Variants in MYH15 observed in about 807,000 individuals in gnomAD.
The protein encoded by MYH15 is myosin heavy chain 15.
MYH15 carries 227 observed loss-of-function variants against 240.5 expected under a neutral mutation model. The ratio of observed to expected loss-of-function variants is 0.94; its 90% CI spans 0.85 to 1.05. MYH15 has a LOEUF of 1.05. MYH15 is among the 50% of genes least tolerant of loss of function. MYH15 has a pLI of 0.00. For synonymous variants in MYH15, 785 were observed against 796.7 expected, an observed-to-expected ratio of 0.99 and a Z score of 0.25; for missense variants, 2,217 against 2,247.5, an observed-to-expected ratio of 0.99 and a Z score of 0.27.
intron 12 of MYH15, among the ~76,000 whole-genome samples, chr3:108,471,654 A>G (rs1220033332): frequency 6.6e-6 from 1 of 151,926 alleles, no homozygotes; most frequent in African/African-American, 2.4e-5. Flanking sequence ...CCTGTTAGTA[A>G]TTTTCCATCC....
the MYH15 span, among the ~76,000 whole-genome samples, chr3:108,549,245 GA>G: frequency 1.4e-5 from 2 of 147,990 alleles, no homozygotes; most frequent in African/African-American, 2.5e-5. Flanking sequence ...TTTTTTTTTA[GA>G]AAAAAAATAT....
rs775890404 is a variant in MYH15 at position 108,470,098 on chromosome 3, A to G, written c.1498T>C (p.Trp500Arg). The G allele has an allele frequency of 5.6e-6, 9 of 1,612,440 alleles. No individual in the cohort carries two copies. Among genetic ancestry groups the G allele is most frequent in the Non-Finnish European group, 6.8e-6 (8 of 1,179,406 alleles). Residue 500 changes from tryptophan to arginine, a missense_variant, in exon 14 of 41, where the codon TGG becomes CGG. Transcript: ENST00000693548. ...QEEYKKESIE[W>R]VSIGFGLDLQ... ...TCCAGACCAAAGCCAATAGACACCC[A>G]TTCAATGCTTTCTTTCTTATATTCC... is the stretch of plus-strand genomic sequence containing the variant.
chr3:108,501,587 A>G, intron 3 of MYH15, 125 bp downstream of exon 3: 2 of 1,212,524 alleles, frequency 1.6e-6, no homozygotes, highest in Non-Finnish European at 2.3e-6. Context: ...TTCCCAGTAG[A>G]CATTGCTCAA....
rs192522176 is a variant in MYH15 at position 108,464,738 on chromosome 3, A to G, written c.1631T>C (p.Leu544Pro). ...CGACTTTCCAAAATGGTTGTCAAAG[A>G]GTTTGGTCTTGAAAGTCAGGTCTGT... ...KATDLTFKTK[L>P]FDNHFGKSVH... The change falls in exon 15 of 41, where the codon CTC (leucine) becomes CCC (proline). Residue 544 changes from leucine (L) to proline (P), a missense_variant. Leu to Pro is a moderately conservative substitution (Grantham distance 98, BLOSUM62 -3). Transcript: ENST00000693548. 1.9e-6 allele frequency: 3 copies of G among 1,613,842 alleles called. No homozygotes were observed. The highest frequency in any genetic ancestry group is 2.5e-6 in the Non-Finnish European group (3 of 1,179,874).
chr3:108,470,935 C>T, intron 12 of MYH15, 88 bp from the exon 13 acceptor site: 4 of 1,345,074 alleles, frequency 3.0e-6, no homozygotes, highest in Non-Finnish European at 4.1e-6. Context: ...GCCTTCTAGT[C>T]AAATTAGGAT....
At chr3:108,485,795 A>T (rs1489106560) in intron 10 of MYH15, among the ~76,000 whole-genome samples, 1 of 152,250 alleles carries the variant, frequency 6.6e-6, no homozygotes, top group African/African-American at 2.4e-5. Flanking sequence ...GTACCAAGAG[A>T]CTATAAAAAA....
At position 108,472,202 on chromosome 3, in the gene MYH15, A is replaced by G. The variant is rs375695327; in HGVS notation, c.1234-1355T>C. On this transcript the variant is annotated intron_variant, in intron 12 of 40. Transcript: ENST00000693548. ...AACCTTTGTGCCTGGATGATGCTCT[A>G]CAAATGCAGATCCTACTTCCATAAC... Among the ~76,000 whole-genome samples the G allele has an allele frequency of 3.1e-4, 47 of 152,328 alleles. 2 individuals carry two copies. Among genetic ancestry groups the G allele is most frequent in the African/African-American group, 1.1e-3 (45 of 41,574 alleles).
chr3:108,527,640 AG>A (rs1274585295), intron 1 of MYH15, among the ~76,000 whole-genome samples: 4 of 152,188 alleles, frequency 2.6e-5, no homozygotes, highest in African/African-American at 9.7e-5. Context: ...TATCTACACT[AG>A]TCAGATCAAT....
intron 32 of MYH15, among the ~76,000 whole-genome samples, chr3:108,407,427 A>G (rs1395774555): frequency 2.0e-5 from 3 of 152,320 alleles, no homozygotes; most frequent in Admixed American, 1.3e-4. Flanking sequence ...GATGAAGTTC[A>G]GCTCTGAGAA....
rs542890612 is a variant in MYH15, at chr3:108,499,363, G to A, written c.524+92C>T. On this transcript the variant is annotated intron_variant, in intron 5 of 40. Coordinates refer to ENST00000693548, the MANE Select transcript of MYH15 (RefSeq NM_014981.3). ...CTAAAGGGCAATTAATTCAAAGATG[G>A]CGAATCAAAGTTTTATTCCCAGTGA... is the stretch of plus-strand genomic sequence containing the variant. 33 of 1,292,182 alleles carry A rather than the reference G, an allele frequency of 2.6e-5. 1 individual carries two copies. In the East Asian group the frequency reaches 2.8e-4, roughly 11 times the overall value. 80.0% of individuals were successfully genotyped at this position (1,292,182 alleles called of 1,614,324 possible). A position where few individuals can be genotyped will look rare whatever the true frequency, so the allele number is the denominator to read the frequency against.
intron 18 of MYH15, among the ~76,000 whole-genome samples, chr3:108,457,703 C>T (rs530768551): frequency 2.0e-5 from 3 of 152,236 alleles, no homozygotes; most frequent in Non-Finnish European, 1.5e-5. Flanking sequence ...TTTCTATACT[C>T]GAATCCCTTT....
intron 25 of MYH15, among the ~76,000 whole-genome samples, chr3:108,434,052 T>C (rs2107563765): frequency 6.6e-6 from 1 of 151,878 alleles, no homozygotes; most frequent in Non-Finnish European, 1.5e-5. Context: ...AACAACTTGA[T>C]TGATATTAAT....
At chr3:108,416,693 T>C (rs1289663428) in intron 29 of MYH15, 119 bp downstream of exon 29, 3 of 849,062 alleles carry the variant, frequency 3.5e-6, no homozygotes, top group Non-Finnish European at 5.6e-6. Context: ...CCCCCATAAC[T>C]TCTAGGGCAT....
intron 30 of MYH15, 50 bp downstream of exon 30, chr3:108,414,182 A>G: frequency 1.9e-6 from 3 of 1,561,174 alleles, no homozygotes; most frequent in South Asian, 1.1e-5. Flanking sequence ...TTATTCTCAT[A>G]CTGCTCCATG....
In MYH15 at chr3:108,450,019, T is replaced by C. The variant is rs1355022818; in HGVS notation, c.2399+3987A>G. 3.3e-5 allele frequency among the ~76,000 whole-genome samples: 5 copies of C among 152,094 alleles called. No individual in the cohort carries two copies. In the East Asian group the frequency reaches 9.6e-4, roughly 29 times the overall value. On this transcript the variant is annotated intron_variant, in intron 21 of 40. Transcript: ENST00000693548. ...AAATCAAAACCACAATGAGATATCA[T>C]CTCACACCTGTTAGAATGGCTACTA...
At position 108,408,301 on chromosome 3, in the gene MYH15, C is replaced by G. The variant is rs1332521067; in HGVS notation, c.4599G>C (p.Gln1533His). 5.0e-6 allele frequency: 8 copies of G among 1,613,084 alleles called. No individual in the cohort carries two copies. The highest frequency in any genetic ancestry group is 6.8e-6 in the Non-Finnish European group (8 of 1,179,784). Residue 1533 changes from glutamine to histidine, a missense_variant, in exon 32 of 41, where the codon CAG becomes CAC. Coordinates refer to ENST00000693548, the MANE Select transcript of MYH15 (RefSeq NM_014981.3). ...KLIEEEKTEV[Q>H]VTLEETEGAL... ...ATACCTCTGTTTCTTCCAGTGTCACCTGGACTTCTGTCTTCTCTTCTTCAA... is the reference window on the plus strand; with the variant it reads ...ATACCTCTGTTTCTTCCAGTGTCACGTGGACTTCTGTCTTCTCTTCTTCAA...
chr3:108,493,233 T>G (rs1210848463), intron 7 of MYH15, 56 bp from the exon 8 acceptor site: 1 of 1,441,138 alleles, frequency 6.9e-7, no homozygotes, highest in Non-Finnish European at 9.8e-7. Flanking sequence ...ATTCACATTT[T>G]CCAAGCACTT....
At chr3:108,423,400 C>T (rs145582399) in intron 27 of MYH15, among the ~76,000 whole-genome samples, 1 of 152,312 alleles carries the variant, frequency 6.6e-6, no homozygotes, top group African/African-American at 2.4e-5. Context: ...TAGAAACAGA[C>T]TTAACAGAGA....
chr3:108,542,907 G>A, the MYH15 span, among the ~76,000 whole-genome samples: 1 of 142,200 alleles, frequency 7.0e-6, no homozygotes, highest in African/African-American at 2.7e-5. Context: ...TTGAGATGGA[G>A]TCTTGCTCTG....
Sources: gnomAD v4.1 joint callset for allele counts (sites outside exome capture counted in the v4.1 genomes callset) on GRCh38, gnomAD v4.1.1 for gene constraint, MANE v1.5 for transcripts, NCBI Gene and HGNC (gene_info 2026-07-23, HGNC 2026-07-21) for gene names.